ADAM23: variants seen among roughly 807,000 people sequenced by gnomAD.
The protein encoded by ADAM23 is disintegrin and metalloproteinase domain-containing protein 23.
In ADAM23, 33 loss-of-function variants were observed where a neutral mutation model predicts 120.1. That is an observed-to-expected ratio of 0.27 (90% CI 0.21 to 0.37). The LOEUF (loss-of-function observed/expected upper bound fraction) is 0.37, where lower values mean the gene tolerates loss of function less well. Ranked by LOEUF, ADAM23 falls within the 10% of genes least tolerant of loss-of-function variation. The pLI, the probability that ADAM23 is intolerant of heterozygous loss-of-function variation, is 1.00. For synonymous variants in ADAM23, 367 were observed against 375.2 expected (o/e 0.98, Z 0.25); for missense variants, 862 against 1,058.2 (o/e 0.81, Z 2.57).
At position 206,579,664 on chromosome 2, in the gene ADAM23, A is replaced by G. The variant is rs184328511; in HGVS notation, c.1737+6469A>G. 2.0e-4 allele frequency among the ~76,000 whole-genome samples: 31 copies of G among 152,282 alleles called. No individual in the cohort carries two copies. The East Asian group carries it at 5.4e-3, about 27-fold the overall frequency. ...GTATAGTTTGAAATCAGGTAATGCA[A>G]TGCCTCCAGATTTGTTCTTTTGCTT... On this transcript the variant is annotated intron_variant, in intron 18 of 25. Coordinates refer to ENST00000264377, the MANE Select transcript of ADAM23 (RefSeq NM_003812.4).
At chr2:206,568,888 G>A (rs538776478) in intron 15 of ADAM23, among the ~76,000 whole-genome samples, 19 of 152,224 alleles carry the variant, frequency 1.2e-4, no homozygotes, top group African/African-American at 3.4e-4. Flanking sequence ...GTGACACTAC[G>A]TAGTCAGGAG....
intron 24 of ADAM23, among the ~76,000 whole-genome samples, chr2:206,601,459 TTCCATAC>T (rs1483444410): frequency 6.6e-6 from 1 of 152,190 alleles, no homozygotes; most frequent in Non-Finnish European, 1.5e-5. Flanking sequence ...TTTTCTGTTA[TTCCATAC>T]TCCTGTTTTG....
intron 2 of ADAM23, among the ~76,000 whole-genome samples, chr2:206,472,937 T>C (rs541742524): frequency 1.3e-4 from 20 of 152,272 alleles, no homozygotes; most frequent in African/African-American, 4.8e-4. Flanking sequence ...TGTGCTTTGT[T>C]GATGCTTTGG....
intron 17 of ADAM23, 71 bp from the exon 18 acceptor site, chr2:206,573,044 G>C: frequency 6.7e-7 from 1 of 1,492,644 alleles, no homozygotes; most frequent in Non-Finnish European, 9.3e-7. Flanking sequence ...TTGTCGGTGA[G>C]TCTAAGAATG....
At chr2:206,567,381 C>T (rs1167042536) in intron 15 of ADAM23, 59 bp downstream of exon 15, 27 of 1,395,610 alleles carry the variant, frequency 1.9e-5, no homozygotes, top group Middle Eastern at 1.8e-4. Flanking sequence ...TTTTACAGTG[C>T]AACAGTGCTG....
At position 206,560,094 on chromosome 2, in the gene ADAM23, A is replaced by C. The variant is rs888911491; in HGVS notation, c.1145A>C (p.His382Pro). The part of the protein sequence containing the change: ...FSKYRQRIKQ[H>P]ADAVHLISRV... ...AAATACCGGCAGCGCATTAAGCAGC[A>C]TGCTGATGCTGTGCACCTCATCTCG... is the stretch of plus-strand genomic sequence containing the variant. The change falls in exon 11 of 26, where the codon CAT (histidine) becomes CCT (proline). Residue 382 changes from histidine (H) to proline (P), a missense_variant. By Grantham distance (77) the His-to-Pro change is moderately conservative (BLOSUM62 -2). Around this residue, in one of 4 missense-constraint regions of ADAM23, gnomAD observed 617 missense variants for 813.5 expected, o/e 0.76. Transcript: ENST00000264377. 1.9e-6 allele frequency: 3 copies of C among 1,613,938 alleles called. No individual in the cohort carries two copies. Among genetic ancestry groups the C allele is most frequent in the African/African-American group, 2.7e-5 (2 of 74,948 alleles).
chr2:206,508,207 T>TTTG (rs1696537727), intron 3 of ADAM23, among the ~76,000 whole-genome samples: 1 of 152,128 alleles, frequency 6.6e-6, no homozygotes, highest in African/African-American at 2.4e-5. Context: ...TTTTTTGTAT[T>TTTG]TTTAGTAGAG....
At chr2:206,604,862 G>C (rs377306864) in intron 24 of ADAM23, among the ~76,000 whole-genome samples, 1 of 152,170 alleles carries the variant, frequency 6.6e-6, no homozygotes, top group Non-Finnish European at 1.5e-5. Flanking sequence ...TCATGGGAAA[G>C]GTAATTTGAA....
chr2:206,601,692 T>C (rs1698642677), intron 24 of ADAM23, among the ~76,000 whole-genome samples: 1 of 149,968 alleles, frequency 6.7e-6, no homozygotes. Flanking sequence ...GAGGATCACC[T>C]AATCCCATGA....
At chr2:206,534,029 A>T (rs569996679) in intron 4 of ADAM23, among the ~76,000 whole-genome samples, 5 of 152,198 alleles carry the variant, frequency 3.3e-5, no homozygotes, top group Non-Finnish European at 7.3e-5. Flanking sequence ...AAACAAATTT[A>T]TTGGGATATA....
At chr2:206,530,669 CTT>C (rs56206262) in intron 3 of ADAM23, among the ~76,000 whole-genome samples, 34 of 74,806 alleles carry the variant, frequency 4.5e-4, no homozygotes, top group South Asian at 1.6e-3. Flanking sequence ...TGTGTCTTGT[CTT>C]TTTTTTTTTT....
intron 25 of ADAM23, among the ~76,000 whole-genome samples, chr2:206,615,323 A>C (rs1400491161): frequency 6.6e-6 from 1 of 152,204 alleles, no homozygotes; most frequent in Non-Finnish European, 1.5e-5. Context: ...GAGAAAGTTA[A>C]TTACCTTCAG....
At chr2:206,493,441 C>T (rs1211332551) in intron 3 of ADAM23, among the ~76,000 whole-genome samples, 20 of 152,156 alleles carry the variant, frequency 1.3e-4, no homozygotes, top group Admixed American at 1.1e-3. Context: ...GGCGCGATCT[C>T]GGCTCACTGC....
At chr2:206,556,869 T>C (rs1697653915) in intron 9 of ADAM23, among the ~76,000 whole-genome samples, 1 of 152,186 alleles carries the variant, frequency 6.6e-6, no homozygotes, top group Admixed American at 6.5e-5. Context: ...TCTAAAGCAC[T>C]GACAAAGACA....
chr2:206,488,102 G>A (rs1035902885), intron 3 of ADAM23, among the ~76,000 whole-genome samples: 1 of 152,252 alleles, frequency 6.6e-6, no homozygotes, highest in African/African-American at 2.4e-5. Context: ...TTGGAAAGAA[G>A]CAGACAGCTA....
intron 3 of ADAM23, among the ~76,000 whole-genome samples, chr2:206,489,058 G>C (rs758529926): frequency 6.6e-6 from 1 of 152,144 alleles, no homozygotes; most frequent in Non-Finnish European, 1.5e-5. Flanking sequence ...ACTTAAATAT[G>C]GTTGTAAGAA....
intron 18 of ADAM23, among the ~76,000 whole-genome samples, chr2:206,576,593 AAAT>A (rs780063552): frequency 1.7e-4 from 26 of 152,250 alleles, no homozygotes; most frequent in Non-Finnish European, 3.4e-4. Context: ...TCTCCTTAAG[AAAT>A]AATGAGCTTT....
At position 206,577,586 on chromosome 2, in the gene ADAM23, A is replaced by G. The variant is rs955729086; in HGVS notation, c.1737+4391A>G. Reference sequence around the variant, plus strand: ...TTTCATCCATGTCCCTACAAAGGACATGAACTCATCATTTTTCATGGCTGC... The same window carrying G: ...TTTCATCCATGTCCCTACAAAGGACGTGAACTCATCATTTTTCATGGCTGC... On this transcript the variant is annotated intron_variant, in intron 18 of 25. Transcript: ENST00000264377. 6.1e-3 allele frequency among the ~76,000 whole-genome samples: 856 copies of G among 141,464 alleles called. 16 individuals carry two copies. The highest frequency in any genetic ancestry group is 0.022 in the African/African-American group (821 of 37,520). 92.8% of individuals were successfully genotyped at this position (141,464 alleles called of 152,430 possible). A position where few individuals can be genotyped will look rare whatever the true frequency, so the allele number is the denominator to read the frequency against.
chr2:206,531,680 T>G (rs1283808578), intron 4 of ADAM23, among the ~76,000 whole-genome samples: 1 of 152,184 alleles, frequency 6.6e-6, no homozygotes, highest in Non-Finnish European at 1.5e-5. Flanking sequence ...AACTCTGACT[T>G]CTAGGGAATC....
Sources: allele counts gnomAD v4.1 joint callset (sites outside exome capture counted in the v4.1 genomes callset), GRCh38; gene constraint gnomAD v4.1.1; regional missense constraint gnomAD v4.1.1; transcripts MANE v1.5; gene names NCBI Gene and HGNC (gene_info 2026-07-23, HGNC 2026-07-21).